PCDHGB3: variants seen among roughly 807,000 people sequenced by gnomAD.
The protein encoded by PCDHGB3 is protocadherin gamma subfamily B, 3, also known as protocadherin gamma-B3.
PCDHGB3 carries 40 observed loss-of-function variants against 59.2 expected under a neutral mutation model. That is an observed-to-expected ratio of 0.68 (90% CI 0.52 to 0.88). The LOEUF is 0.88. Among genes scored for constraint, PCDHGB3 ranks in the 40% least tolerant of loss-of-function variants. The pLI is 0.00. For missense variants in PCDHGB3, 1,309 were observed against 1,187.9 expected (o/e 1.10, Z -1.50); for synonymous variants, 581 against 503.6 (o/e 1.15, Z -2.06).
intron 1 of PCDHGB3, chr5:141,422,796 T>C: frequency 6.2e-7 from 1 of 1,614,234 alleles, no homozygotes; most frequent in Middle Eastern, 1.6e-4. Flanking sequence ...CCTTCGACTA[T>C]GAGCAGTTTC....
chr5:141,443,708 T>G (rs2098400247), intron 1 of PCDHGB3, among the ~76,000 whole-genome samples: 1 of 152,192 alleles, frequency 6.6e-6, no homozygotes, highest in Non-Finnish European at 1.5e-5. Context: ...GAATAACATT[T>G]GCATATAAAA....
Position 141,432,123 on chromosome 5 carries a change from C to T in PCDHGB3, c.2415+59314C>T. 6.2e-7 allele frequency: 1 copy of T among 1,614,172 alleles called. No homozygotes were observed. The highest frequency in any genetic ancestry group is 8.5e-7 in the Non-Finnish European group (1 of 1,180,042). ...GACAACCCGCCGGTCTTCCCTCAGGCCTCCTATTCCGCTTATATCCCAGAG... is the reference window on the plus strand; with the variant it reads ...GACAACCCGCCGGTCTTCCCTCAGGTCTCCTATTCCGCTTATATCCCAGAG... On this transcript the variant is annotated intron_variant, in intron 1 of 3. Coordinates refer to ENST00000576222, the MANE Select transcript of PCDHGB3 (RefSeq NM_018924.5). The surrounding 1 kb of genome is among the most constrained non-coding windows in gnomAD (Gnocchi z 6.0).
At chr5:141,430,383 G>A (rs527531595) in intron 1 of PCDHGB3, among the ~76,000 whole-genome samples, 74 of 138,604 alleles carry the variant, frequency 5.3e-4, no homozygotes, top group Admixed American at 8.6e-4. Flanking sequence ...AGCTCATTGG[G>A]AAAAAAAAAA....
At chr5:141,402,284 T>C (rs2150926780) in intron 1 of PCDHGB3, among the ~76,000 whole-genome samples, 1 of 152,054 alleles carries the variant, frequency 6.6e-6, no homozygotes, top group African/African-American at 2.4e-5. Context: ...GGATAATCTA[T>C]CCTTATATAT....
Position 141,491,458 on chromosome 5 carries a change from G to C in PCDHGB3, c.2416-3349G>C. 1 of 1,614,092 alleles carries C rather than the reference G, an allele frequency of 6.2e-7. No individual in the cohort carries two copies. The highest frequency in any genetic ancestry group is 8.5e-7 in the Non-Finnish European group (1 of 1,180,022). On this transcript the variant is annotated intron_variant, in intron 1 of 3. Coordinates refer to ENST00000576222, the MANE Select transcript of PCDHGB3 (RefSeq NM_018924.5). The surrounding 1 kb of genome is among the most constrained non-coding windows in gnomAD (Gnocchi z 6.9). Reference sequence around the variant, plus strand: ...CAGGCGCCAGGACTCACCCTCCCCGGACTTCTATAAGCAGTCCAGCCCCAA... The same window carrying C: ...CAGGCGCCAGGACTCACCCTCCCCGCACTTCTATAAGCAGTCCAGCCCCAA...
At chr5:141,494,770 C>A (rs767006872) in intron 1 of PCDHGB3, 37 bp from the exon 2 acceptor site, 14 of 1,613,904 alleles carry the variant, frequency 8.7e-6, no homozygotes, top group Non-Finnish European at 1.1e-5. Flanking sequence ...TAACTTCTCA[C>A]GGGTACTCAG....
chr5:141,398,566 C>T, intron 1 of PCDHGB3: 1 of 1,613,980 alleles, frequency 6.2e-7, no homozygotes, highest in Non-Finnish European at 8.5e-7. Flanking sequence ...TGAGTCTGCA[C>T]AGCCTGGCAC....
chr5:141,435,066 G>A (rs936110088), intron 1 of PCDHGB3, among the ~76,000 whole-genome samples: 3 of 151,920 alleles, frequency 2.0e-5, no homozygotes, highest in African/African-American at 7.3e-5. Context: ...GCAGTTTTGT[G>A]TAGACCGTCT....
rs70988800 is a variant in PCDHGB3 at position 141,379,889 on chromosome 5, C to CTTTTTTTTTTTTTT, written c.2415+7097_2415+7110dup. ...CTTATTTTATGGTCTGTGAAAGCCT[C>CTTTTTTTTTTTTTT]TTTTTTTTTTTTTTTTTTTTTTTTT... On this transcript the variant is annotated intron_variant, in intron 1 of 3. Coordinates refer to ENST00000576222, the MANE Select transcript of PCDHGB3 (RefSeq NM_018924.5). Among the ~76,000 whole-genome samples, 79 of 50,828 alleles carry CTTTTTTTTTTTTTT rather than the reference C, an allele frequency of 1.6e-3. 14 individuals carry two copies. The highest frequency in any genetic ancestry group is 2.7e-3 in the African/African-American group (40 of 15,084). 33.3% of individuals were successfully genotyped at this position (50,828 alleles called of 152,430 possible).
chr5:141,394,619 C>T, intron 1 of PCDHGB3: 1 of 1,613,528 alleles, frequency 6.2e-7, no homozygotes, highest in Non-Finnish European at 8.5e-7. Flanking sequence ...GCCAGAACGC[C>T]TGGCTGTCCT....
At chr5:141,404,161 ATTG>A in intron 1 of PCDHGB3, 1 of 1,613,152 alleles carries the variant, frequency 6.2e-7, no homozygotes, top group South Asian at 1.1e-5. Context: ...ATTATTACAG[ATTG>A]TTGACGGCCC....
chr5:141,494,528 G>A lies in PCDHGB3; in HGVS notation c.2416-279G>A, dbSNP rs189993899. On this transcript the variant is annotated intron_variant, in intron 1 of 3. Coordinates refer to ENST00000576222, the MANE Select transcript of PCDHGB3 (RefSeq NM_018924.5). ...ATTTTGGCTCAGGAGTTCTGACTCTGGGGGCAGGGAGGAAGGGGCCATTTC... is the reference window on the plus strand; with the variant it reads ...ATTTTGGCTCAGGAGTTCTGACTCTAGGGGCAGGGAGGAAGGGGCCATTTC... 3.0e-4 allele frequency among the ~76,000 whole-genome samples: 45 copies of A among 152,274 alleles called. 1 individual carries two copies. Among genetic ancestry groups the A allele is most frequent in the African/African-American group, 1.0e-3 (42 of 41,542 alleles).
intron 1 of PCDHGB3, chr5:141,414,260 A>G: frequency 6.2e-7 from 1 of 1,613,444 alleles, no homozygotes; most frequent in Non-Finnish European, 8.5e-7. Context: ...CCAGTGACTG[A>G]AGATTCACCT....
At chr5:141,509,094 T>C (rs1038935185) in intron 3 of PCDHGB3, among the ~76,000 whole-genome samples, 4 of 152,152 alleles carry the variant, frequency 2.6e-5, no homozygotes, top group African/African-American at 9.7e-5. Context: ...AAATGGGGGC[T>C]GTAGAAACCT....
intron 1 of PCDHGB3, chr5:141,433,250 G>A: frequency 1.4e-6 from 2 of 1,440,892 alleles, no homozygotes; most frequent in Non-Finnish European, 1.9e-6. Flanking sequence ...CTGGAATGCA[G>A]CGGTACGATC....
At chr5:141,488,620 C>A (rs1271344928) in intron 1 of PCDHGB3, among the ~76,000 whole-genome samples, 1 of 152,164 alleles carries the variant, frequency 6.6e-6, no homozygotes, top group East Asian at 1.9e-4. Context: ...CTAATCTTTT[C>A]TCTCACCTTA....
chr5:141,419,065 C>T (rs763008753), intron 1 of PCDHGB3: 3 of 1,613,904 alleles, frequency 1.9e-6, no homozygotes, highest in Non-Finnish European at 2.5e-6. Flanking sequence ...ATAATTACTA[C>T]AAGCTAGTAA....
rs1352437587 is a variant in PCDHGB3 at position 141,389,683 on chromosome 5, C to T, written c.2415+16874C>T. The stretch of plus-strand genomic sequence containing the variant: ...GTGGACGCAGACTCAGGACACAACG[C>T]CTGGCTGTCCTACCACGTGCTGCAG... On this transcript the variant is annotated intron_variant, in intron 1 of 3. Coordinates refer to ENST00000576222, the MANE Select transcript of PCDHGB3 (RefSeq NM_018924.5). 14 of 1,612,374 alleles carry T rather than the reference C, an allele frequency of 8.7e-6. No individual in the cohort carries two copies. In the Admixed American group the frequency reaches 2.3e-4, roughly 27 times the overall value.
intron 1 of PCDHGB3, chr5:141,404,610 T>G (rs1207198913): frequency 6.2e-7 from 1 of 1,614,130 alleles, no homozygotes. Context: ...CTGTTTGTTT[T>G]GGACCAGAAT....
Sources: gnomAD v4.1 joint callset for allele counts (sites outside exome capture counted in the v4.1 genomes callset) on GRCh38, gnomAD v4.1.1 for gene constraint, Gnocchi (gnomAD v3.1) non-coding constraint, MANE v1.5 for transcripts, NCBI Gene and HGNC (gene_info 2026-07-23, HGNC 2026-07-21) for gene names.